The following EMID1 variants were observed in gnomAD, a reference collection of about 807,000 sequenced individuals.
EMID1 encodes EMI domain containing 1.
EMID1 carries 40 observed loss-of-function variants against 60.6 expected under a neutral mutation model. The ratio of observed to expected loss-of-function variants is 0.66; its 90% CI spans 0.51 to 0.86. EMID1 has a LOEUF of 0.86. Ranked by LOEUF, EMID1 falls within the 40% of genes least tolerant of loss-of-function variation. The probability of loss-of-function intolerance (pLI) is 0.00; values close to 1 mark genes in which losing one functional copy is unlikely to be tolerated. For synonymous variants in EMID1, 242 were observed against 231.0 expected (o/e 1.05, Z -0.43); for missense variants, 585 against 597.1 (o/e 0.98, Z 0.21).
intron 7 of EMID1, 101 bp from the exon 8 acceptor site, chr22:29,232,155 T>C: frequency 6.9e-7 from 1 of 1,443,520 alleles, no homozygotes; most frequent in Non-Finnish European, 9.7e-7. Context: ...CGGGGCCCTC[T>C]CTCATGCCCA....
At position 29,233,389 on chromosome 22, in the gene EMID1, G is replaced by A; in HGVS notation, c.834G>A (p.Leu278=). ...HARISQHGDP[L]LSNTFTETNN... ...TCTTTGCTCACCCAGGAGACCCATTGCTGTCCAACACCTTCACTGAGACCA... is the reference window on the plus strand; with the variant it reads ...TCTTTGCTCACCCAGGAGACCCATTACTGTCCAACACCTTCACTGAGACCA... The change falls in exon 9 of 15, where the codon TTG becomes TTA. Residue 278 remains leucine (L), a synonymous_variant. Coordinates refer to ENST00000334018, the MANE Select transcript of EMID1 (RefSeq NM_133455.4). 6.2e-7 allele frequency: 1 copy of A among 1,614,074 alleles called. No homozygotes were observed. Among genetic ancestry groups the A allele is most frequent in the Non-Finnish European group, 8.5e-7 (1 of 1,179,916 alleles).
chr22:29,215,139 G>A, intron 2 of EMID1, 100 bp downstream of exon 2: 2 of 1,435,476 alleles, frequency 1.4e-6, no homozygotes, highest in South Asian at 1.5e-5. Context: ...GGGGAAGACT[G>A]GACCCCAGGG....
chr22:29,230,376 C>T (rs1395443465), intron 5 of EMID1, among the ~76,000 whole-genome samples: 1 of 152,102 alleles, frequency 6.6e-6, no homozygotes, highest in Non-Finnish European at 1.5e-5. Context: ...TGAAACTCTT[C>T]CAGCCATACC....
At chr22:29,242,869 A>G (rs940646723) in intron 12 of EMID1, among the ~76,000 whole-genome samples, 2 of 152,202 alleles carry the variant, frequency 1.3e-5, no homozygotes, top group African/African-American at 4.8e-5. Flanking sequence ...GTTGGACTGG[A>G]ACTCTAAACT....
intron 7 of EMID1, 150 bp from the exon 8 acceptor site, chr22:29,232,106 C>A (rs895831741): frequency 1.1e-5 from 9 of 788,494 alleles, no homozygotes; most frequent in East Asian, 2.6e-5. Flanking sequence ...TGTGCTCATC[C>A]CCCTGTTAGA....
At chr22:29,218,227 G>A (rs975427322) in intron 3 of EMID1, among the ~76,000 whole-genome samples, 6 of 152,298 alleles carry the variant, frequency 3.9e-5, no homozygotes, top group East Asian at 1.9e-4. Flanking sequence ...CCTGCCTCCC[G>A]CCTCTGAGAC....
chr22:29,232,488 C>G (rs2040789166), intron 8 of EMID1, 86 bp downstream of exon 8: 1 of 1,400,418 alleles, frequency 7.1e-7, no homozygotes, highest in Admixed American at 2.8e-5. Context: ...CACGTGCCTT[C>G]TGTGTGCCAG....
chr22:29,222,737 A>T (rs1447600511), intron 3 of EMID1, among the ~76,000 whole-genome samples: 1 of 152,110 alleles, frequency 6.6e-6, no homozygotes, highest in Non-Finnish European at 1.5e-5. Context: ...TTTCTGCCTT[A>T]TATTTGGTTT....
intron 14 of EMID1, among the ~76,000 whole-genome samples, chr22:29,257,943 A>G (rs950511680): frequency 2.6e-5 from 4 of 152,114 alleles, no homozygotes; most frequent in Admixed American, 2.0e-4. Context: ...CTGCTCCGGG[A>G]GCCCTCAACT....
At chr22:29,234,221 G>A (rs1397171718) in intron 11 of EMID1, 22 bp downstream of exon 11, 2 of 1,608,708 alleles carry the variant, frequency 1.2e-6, no homozygotes, top group East Asian at 2.2e-5. Context: ...GGTGGCCCCA[G>A]GTGGGGGAAT....
rs1457038942 is a variant in EMID1 at position 29,226,554 on chromosome 22, G to A, written c.465+3G>A. 6.2e-7 allele frequency: 1 copy of A among 1,611,412 alleles called. No individual in the cohort carries two copies. Among genetic ancestry groups the A allele is most frequent in the Admixed American group, 1.7e-5 (1 of 59,812 alleles). On this transcript the variant is annotated splice_donor_region_variant and intron_variant, in intron 5 of 14. Coordinates refer to ENST00000334018, the MANE Select transcript of EMID1 (RefSeq NM_133455.4). ...GGCTGAAGGTGCTGGAGGCCAAGGT[G>A]GGTGAGCAGCTCCCTCCTGGGTGGT...
intron 13 of EMID1, among the ~76,000 whole-genome samples, chr22:29,247,909 G>A (rs2041381572): frequency 6.6e-6 from 1 of 151,472 alleles, no homozygotes. Flanking sequence ...GGAATTACAG[G>A]CGTGAGCCAC....
intron 13 of EMID1, among the ~76,000 whole-genome samples, chr22:29,244,629 A>T (rs1415335473): frequency 2.0e-5 from 3 of 148,292 alleles, no homozygotes; most frequent in Non-Finnish European, 4.5e-5. Flanking sequence ...ACGGAACGAG[A>T]CTCTGTCTCA....
chr22:29,239,703 G>C (rs1568996306), intron 12 of EMID1, among the ~76,000 whole-genome samples: 1 of 151,906 alleles, frequency 6.6e-6, no homozygotes, highest in Non-Finnish European at 1.5e-5. Flanking sequence ...CTTTAGTAAT[G>C]TAGTGAGAAG....
At chr22:29,220,581 GAACGAGGA>G (rs2040255600) in intron 3 of EMID1, among the ~76,000 whole-genome samples, 1 of 127,794 alleles carries the variant, frequency 7.8e-6, no homozygotes, top group Non-Finnish European at 1.7e-5. Context: ...GGTCGGTTGT[GAACGAGGA>G]AGCCCTTTGG....
chr22:29,230,487 T>A (rs1378446379), intron 5 of EMID1, among the ~76,000 whole-genome samples: 1 of 152,206 alleles, frequency 6.6e-6, no homozygotes, highest in Non-Finnish European at 1.5e-5. Context: ...AAGCTCAACT[T>A]TGATGGCAAT....
Position 29,246,159 on chromosome 22 carries a change from C to G in EMID1, c.1119+2670C>G, listed in dbSNP as rs1270675774. Among the ~76,000 whole-genome samples, 3 of 152,220 alleles carry G rather than the reference C, an allele frequency of 2.0e-5. No homozygotes were observed. The East Asian group carries it at 5.8e-4, about 29-fold the overall frequency. On this transcript the variant is annotated intron_variant, in intron 13 of 14. Coordinates refer to ENST00000334018, the MANE Select transcript of EMID1 (RefSeq NM_133455.4). ...GGCAGAGGCGAGGGTACAACAGGTG[C>G]AAAGGCCCTGTGGCAAGAGGGAGCC...
At chr22:29,257,868 G>C (rs1332031571) in intron 14 of EMID1, among the ~76,000 whole-genome samples, 2 of 152,186 alleles carry the variant, frequency 1.3e-5, no homozygotes, top group East Asian at 1.9e-4. Flanking sequence ...CCAGTGCTCT[G>C]TGCCACTCCC....
intron 8 of EMID1, chr22:29,232,943 CCATT>C: frequency 1.4e-5 from 3 of 213,592 alleles, no homozygotes; most frequent in East Asian, 2.3e-4. Context: ...ACCCAGCACA[CCATT>C]CATTCATTCT....
Sources: gnomAD v4.1 joint callset for allele counts (sites outside exome capture counted in the v4.1 genomes callset) on GRCh38, gnomAD v4.1.1 for gene constraint, MANE v1.5 for transcripts, NCBI Gene and HGNC (gene_info 2026-07-23, HGNC 2026-07-21) for gene names.